Variants in PRRX2 observed in about 807,000 individuals in gnomAD.
PRRX2 encodes the protein paired related homeobox 2, also known as paired mesoderm homeobox protein 2.
A neutral mutation model predicts 18.0 loss-of-function variants in PRRX2; 11 were observed. The ratio of observed to expected loss-of-function variants is 0.61; its 90% CI spans 0.39 to 1.01. PRRX2 has a LOEUF of 1.01. Among genes scored for constraint, PRRX2 ranks in the 50% least tolerant of loss-of-function variants. PRRX2 has a pLI of 0.01. For synonymous variants in PRRX2, 177 were observed against 154.8 expected (o/e 1.14, Z -1.06); for missense variants, 387 against 351.0 (o/e 1.10, Z -0.82).
chr9:129,674,848 C>T (rs972999477), intron 1 of PRRX2, among the ~76,000 whole-genome samples: 1 of 152,154 alleles, frequency 6.6e-6, no homozygotes, highest in Non-Finnish European at 1.5e-5. Context: ...TGTTTATGGA[C>T]ATATTTAGTG....
chr9:129,704,448 C>A (rs1293283032), intron 1 of PRRX2, among the ~76,000 whole-genome samples: 1 of 152,182 alleles, frequency 6.6e-6, no homozygotes, highest in Non-Finnish European at 1.5e-5. Context: ...ATGCTCAGGG[C>A]AGGCAGGCGT....
At chr9:129,713,111 G>C (rs1832652153) in intron 1 of PRRX2, 1 of 152,232 alleles carries the variant, frequency 6.6e-6, no homozygotes, top group African/African-American at 2.4e-5. Flanking sequence ...TCTGGTCCGC[G>C]GGGAGGTGCT....
At position 129,676,182 on chromosome 9, in the gene PRRX2, A is replaced by G. The variant is rs181020867; in HGVS notation, c.259+10056A>G. Among the ~76,000 whole-genome samples, 515 of 152,218 alleles carry G rather than the reference A, an allele frequency of 3.4e-3. 3 individuals carry two copies. The highest frequency in any genetic ancestry group is 0.012 in the African/African-American group (480 of 41,520). ...TTCACCCGCTCCTTGCTGAGAGCCC[A>G]TGTCTGAGGGTCTGTTGGCGAGGGG... On this transcript the variant is annotated intron_variant, in intron 1 of 3. Transcript: ENST00000372469.
intron 1 of PRRX2, among the ~76,000 whole-genome samples, chr9:129,682,484 C>A (rs1273407123): frequency 6.6e-6 from 1 of 152,080 alleles, no homozygotes; most frequent in Non-Finnish European, 1.5e-5. Flanking sequence ...CCAACCCACA[C>A]TAGCTCCATA....
chr9:129,685,011 C>T (rs750252552), intron 1 of PRRX2, among the ~76,000 whole-genome samples: 3 of 152,360 alleles, frequency 2.0e-5, no homozygotes, highest in Admixed American at 2.0e-4. Context: ...CACCCTTCCA[C>T]CATCTTGTCC....
At chr9:129,668,286 C>G (rs1259757318) in intron 1 of PRRX2, among the ~76,000 whole-genome samples, 3 of 152,210 alleles carry the variant, frequency 2.0e-5, no homozygotes, top group Admixed American at 1.3e-4. Context: ...CTTTCCCCAT[C>G]ATCGACCCTT....
At chr9:129,667,774 C>A (rs1393785880) in intron 1 of PRRX2, among the ~76,000 whole-genome samples, 2 of 152,160 alleles carry the variant, frequency 1.3e-5, no homozygotes, top group Non-Finnish European at 1.5e-5. Context: ...CCCCGGGGAT[C>A]CCAGAACAGC....
intron 1 of PRRX2, among the ~76,000 whole-genome samples, chr9:129,693,105 G>A (rs1294345240): frequency 6.6e-6 from 1 of 152,084 alleles, no homozygotes; most frequent in African/African-American, 2.4e-5. Context: ...GCCGTGTGGT[G>A]GTATCTCACT....
At chr9:129,687,470 A>C (rs567218061) in intron 1 of PRRX2, among the ~76,000 whole-genome samples, 2 of 152,148 alleles carry the variant, frequency 1.3e-5, no homozygotes, top group South Asian at 2.1e-4. Flanking sequence ...CACAGAGAGG[A>C]GGAGCCGCGT....
rs764815827 is a variant in PRRX2 at position 129,684,623 on chromosome 9, A to G, written c.259+18497A>G. Among the ~76,000 whole-genome samples, 8 of 152,246 alleles carry G rather than the reference A, an allele frequency of 5.3e-5. No homozygotes were observed. In the East Asian group the frequency reaches 9.7e-4, roughly 18 times the overall value. ...CACTTCTGAACCAATCATATGGCCA[A>G]GAGAAGTGGAGTGCTGATTGGCCGA... is the stretch of plus-strand genomic sequence containing the variant. On this transcript the variant is annotated intron_variant, in intron 1 of 3. Transcript: ENST00000372469.
intron 1 of PRRX2, among the ~76,000 whole-genome samples, chr9:129,680,719 C>G (rs1191163587): frequency 6.6e-6 from 1 of 152,070 alleles, no homozygotes; most frequent in Non-Finnish European, 1.5e-5. Flanking sequence ...CACACAGGAC[C>G]CAGATCCCTC....
At chr9:129,690,228 T>G (rs1832345189) in intron 1 of PRRX2, among the ~76,000 whole-genome samples, 1 of 152,172 alleles carries the variant, frequency 6.6e-6, no homozygotes, top group Non-Finnish European at 1.5e-5. Context: ...CCCTGAGAGT[T>G]GGCCTAAGAG....
intron 1 of PRRX2, among the ~76,000 whole-genome samples, chr9:129,687,219 A>C (rs756158647): frequency 2.8e-4 from 42 of 152,220 alleles, no homozygotes; most frequent in Non-Finnish European, 5.7e-4. Context: ...GAGATCACCA[A>C]CTCTATAAAA....
At chr9:129,673,664 AC>A (rs1832127070) in intron 1 of PRRX2, among the ~76,000 whole-genome samples, 1 of 151,748 alleles carries the variant, frequency 6.6e-6, no homozygotes, top group Non-Finnish European at 1.5e-5. Context: ...ACACACACAC[AC>A]ACACACACAC....
At position 129,665,957 on chromosome 9, in the gene PRRX2, C is replaced by T; in HGVS notation, c.90C>T (p.Asp30=). The T allele has an allele frequency of 8.8e-7, 1 of 1,140,752 alleles. No individual in the cohort carries two copies. Among genetic ancestry groups the T allele is most frequent in the Non-Finnish European group, 1.1e-6 (1 of 923,638 alleles). The allele number at this position is 1,140,752 out of a possible 1,614,324, so 70.7% of individuals were successfully genotyped here. ...CTCCACCCGCGCTGGGGCCCGGCGA[C>T]TGCGCCCAGGCGCGCAAGAACTTCT... ...PPPPPALGPG[D]CAQARKNFSV... Residue 30 remains aspartate, a synonymous_variant, in exon 1 of 4, where the codon GAC becomes GAT. Coordinates refer to ENST00000372469, the MANE Select transcript of PRRX2 (RefSeq NM_016307.4). This position sits in a 1 kb window ranked among gnomAD's most constrained non-coding sequence, Gnocchi z 5.3.
intron 1 of PRRX2, among the ~76,000 whole-genome samples, chr9:129,697,689 A>G (rs947990272): frequency 6.6e-6 from 1 of 151,918 alleles, no homozygotes; most frequent in Non-Finnish European, 1.5e-5. Flanking sequence ...CAGATGGGAA[A>G]GCCACCCACG....
At chr9:129,697,538 G>C (rs1362112221) in intron 1 of PRRX2, among the ~76,000 whole-genome samples, 1 of 151,200 alleles carries the variant, frequency 6.6e-6, no homozygotes, top group Non-Finnish European at 1.5e-5. Flanking sequence ...CGGCGCGCTC[G>C]CACGCACTGG....
At chr9:129,669,237 C>G (rs1832069116) in intron 1 of PRRX2, among the ~76,000 whole-genome samples, 1 of 152,080 alleles carries the variant, frequency 6.6e-6, no homozygotes, top group Non-Finnish European at 1.5e-5. Context: ...TTTCTAAGAC[C>G]AGGCTCCCTC....
At chr9:129,692,170 G>A (rs536852071) in intron 1 of PRRX2, among the ~76,000 whole-genome samples, 46 of 150,902 alleles carry the variant, frequency 3.0e-4, no homozygotes, top group Non-Finnish European at 5.9e-4. Flanking sequence ...GGCTGGTCTC[G>A]AACTCCTGAC....
Sources: gnomAD v4.1 joint callset for allele counts (sites outside exome capture counted in the v4.1 genomes callset) on GRCh38, gnomAD v4.1.1 for gene constraint, Gnocchi (gnomAD v3.1) non-coding constraint, MANE v1.5 for transcripts, NCBI Gene and HGNC (gene_info 2026-07-23, HGNC 2026-07-21) for gene names.